The following ACCSL variants were observed in gnomAD, a reference collection of about 807,000 sequenced individuals.
The protein encoded by ACCSL is probable inactive 1-aminocyclopropane-1-carboxylate synthase-like protein 2.
ACCSL carries 55 observed loss-of-function variants against 61.7 expected under a neutral mutation model. The observed-to-expected ratio is 0.89, with a 90% CI of 0.72 to 1.12. The LOEUF is 1.12. ACCSL is among the 50% of genes most tolerant of loss of function. ACCSL has a pLI of 0.00. For missense variants in ACCSL, 632 were observed against 698.0 expected (o/e 0.91, Z 1.07); for synonymous variants, 258 against 264.3 (o/e 0.98, Z 0.23).
the ACCSL span, among the ~76,000 whole-genome samples, chr11:44,003,189 A>G: frequency 6.6e-6 from 1 of 152,234 alleles, no homozygotes; most frequent in Non-Finnish European, 1.5e-5. Flanking sequence ...TGATAACACA[A>G]TGTTCCAAGT....
chr11:43,981,671 G>A, the ACCSL span, among the ~76,000 whole-genome samples: 2 of 152,150 alleles, frequency 1.3e-5, no homozygotes, highest in Non-Finnish European at 2.9e-5. Context: ...GTTTGCCTTG[G>A]GAGGCCCAGA....
chr11:43,976,043 G>A, the ACCSL span, among the ~76,000 whole-genome samples: 2 of 152,048 alleles, frequency 1.3e-5, no homozygotes, highest in Non-Finnish European at 2.9e-5. Flanking sequence ...GTGTGTATAG[G>A]GGGCAAGATA....
the ACCSL span, among the ~76,000 whole-genome samples, chr11:43,959,193 A>G: frequency 6.6e-6 from 1 of 152,136 alleles, no homozygotes; most frequent in African/African-American, 2.4e-5. Flanking sequence ...TCCCCAGTGG[A>G]ATGGGCGAGC....
At chr11:43,925,415 C>T in the ACCSL span, 1 of 456,216 alleles carries the variant, frequency 2.2e-6, no homozygotes, top group East Asian at 7.0e-5. Context: ...TTGATCGTCT[C>T]CACGCTGCAC....
chr11:43,934,464 CCACA>C, the ACCSL span, among the ~76,000 whole-genome samples: 8 of 152,222 alleles, frequency 5.3e-5, no homozygotes, highest in African/African-American at 1.7e-4. Context: ...CATTTGCATT[CCACA>C]CACACACGCG....
chr11:44,048,738 C>A (rs907569857), intron 1 of ACCSL, among the ~76,000 whole-genome samples, 198 bp downstream of exon 1: 5 of 152,086 alleles, frequency 3.3e-5, no homozygotes, highest in African/African-American at 9.7e-5. Flanking sequence ...CTCCATCCAC[C>A]CCCACATCCC....
chr11:43,976,282 C>A, the ACCSL span, among the ~76,000 whole-genome samples: 1 of 152,156 alleles, frequency 6.6e-6, no homozygotes, highest in East Asian at 1.9e-4. Context: ...AGAGGGCAGA[C>A]TATGGTATCC....
the ACCSL span, among the ~76,000 whole-genome samples, chr11:44,005,070 C>G: frequency 6.6e-6 from 1 of 150,400 alleles, no homozygotes; most frequent in African/African-American, 2.4e-5. Context: ...CCTTCTCCCC[C>G]GTGCCAGTCT....
the ACCSL span, among the ~76,000 whole-genome samples, chr11:43,988,541 C>T: frequency 6.6e-6 from 1 of 151,648 alleles, no homozygotes; most frequent in Non-Finnish European, 1.5e-5. Flanking sequence ...ATTTTGCCAG[C>T]ACACAGGCCG....
chr11:44,052,389 T>G (rs1485822481), intron 5 of ACCSL, among the ~76,000 whole-genome samples: 4 of 152,228 alleles, frequency 2.6e-5, no homozygotes, highest in Admixed American at 2.6e-4. Flanking sequence ...CTCGCTTGAC[T>G]TGTGCCCTGG....
intron 5 of ACCSL, among the ~76,000 whole-genome samples, chr11:44,052,102 G>A (rs931466048): frequency 6.6e-6 from 1 of 152,244 alleles, no homozygotes; most frequent in African/African-American, 2.4e-5. Flanking sequence ...ACAAGGTTGA[G>A]TGGACTGTTC....
intron 5 of ACCSL, 152 bp from the exon 6 acceptor site, chr11:44,052,510 T>C (rs1952645555): frequency 1.4e-6 from 1 of 693,836 alleles, no homozygotes; most frequent in Admixed American, 2.3e-5. Context: ...ATAACTTTCA[T>C]AGCACCTGAA....
chr11:44,051,364 C>A lies in ACCSL; in HGVS notation c.665C>A (p.Thr222Asn), dbSNP rs781348828. The change falls in exon 4 of 14, where the codon ACC becomes AAC. Residue 222 changes from threonine (T) to asparagine (N), a missense_variant. Thr to Asn is a moderately conservative substitution (Grantham distance 65, BLOSUM62 0). Transcript: ENST00000378832. ...CGGGAAGAAGTGGCCCGGTTCCTGACCTACTACTGCAGGGCACCTACCCGA... is the reference window on the plus strand; with the variant it reads ...CGGGAAGAAGTGGCCCGGTTCCTGAACTACTACTGCAGGGCACCTACCCGA... ...FLREEVARFL[T>N]YYCRAPTRLD... 40 of 1,614,010 alleles carry A rather than the reference C, an allele frequency of 2.5e-5. 1 individual carries two copies. The highest frequency in any genetic ancestry group is 2.4e-5 in the Non-Finnish European group (28 of 1,180,048).
chr11:44,020,139 G>A, the ACCSL span, among the ~76,000 whole-genome samples: 1 of 152,104 alleles, frequency 6.6e-6, no homozygotes, highest in Non-Finnish European at 1.5e-5. Context: ...GTACCATATG[G>A]TCTTGATTAC....
At chr11:44,045,929 G>A (rs1952594620), upstream of ACCSL, among the ~76,000 whole-genome samples, 2 of 152,298 alleles carry the variant, frequency 1.3e-5, no homozygotes, top group South Asian at 4.1e-4. Flanking sequence ...GGTGACAATA[G>A]CTTCTTGTTC....
Position 44,059,866 on chromosome 11 carries a change from G to A in ACCSL, c.1653G>A (p.Gln551=), listed in dbSNP as rs370613369. The change falls in exon 14 of 14, where the codon CAG becomes CAA. Residue 551 remains glutamine, a synonymous_variant. Coordinates refer to ENST00000378832, the MANE Select transcript of ACCSL (RefSeq NM_001031854.2). ...TGCGTCGGTTCTGTGATGTGCTGCA[G>A]GAGCAGAAGGAGGCTTTGATAGTGA... ...LAMRRFCDVL[Q]EQKEALIVKQ... 4.3e-6 allele frequency: 7 copies of A among 1,613,828 alleles called. No homozygotes were observed. Among genetic ancestry groups the A allele is most frequent in the Non-Finnish European group, 5.1e-6 (6 of 1,179,900 alleles).
chr11:43,944,182 T>G, the ACCSL span: 1 of 311,044 alleles, frequency 3.2e-6, no homozygotes, highest in African/African-American at 2.2e-5. Flanking sequence ...GATGGAGAGC[T>G]CTCTCCTCCG....
the ACCSL span, among the ~76,000 whole-genome samples, chr11:43,999,207 A>T: frequency 2.0e-5 from 3 of 152,182 alleles, no homozygotes; most frequent in Non-Finnish European, 2.9e-5. Flanking sequence ...GAACCCTTAC[A>T]GTGTGCCAAG....
chr11:43,964,455 A>G, the ACCSL span, among the ~76,000 whole-genome samples: 1 of 151,272 alleles, frequency 6.6e-6, no homozygotes, highest in African/African-American at 2.4e-5. Context: ...AAAAAAAAAG[A>G]AAGAAATGTC....
Sources: gnomAD v4.1 joint callset for allele counts (sites outside exome capture counted in the v4.1 genomes callset) on GRCh38, gnomAD v4.1.1 for gene constraint, MANE v1.5 for transcripts, NCBI Gene and HGNC (gene_info 2026-07-23, HGNC 2026-07-21) for gene names.